Variants in UST observed in about 807,000 individuals in gnomAD.
UST encodes uronyl 2-sulfotransferase.
A neutral mutation model predicts 45.6 loss-of-function variants in UST; 21 were observed. The ratio of observed to expected loss-of-function variants is 0.46; its 90% CI spans 0.33 to 0.66. The LOEUF is 0.66. Among genes scored for constraint, UST ranks in the 30% least tolerant of loss-of-function variants. UST has a pLI of 0.02. For synonymous variants in UST, 215 were observed against 200.6 expected, an observed-to-expected ratio of 1.07 and a Z score of -0.61; for missense variants, 463 against 512.4, an observed-to-expected ratio of 0.90 and a Z score of 0.93.
At chr6:149,042,563 G>T (rs1052748742) in intron 7 of UST, among the ~76,000 whole-genome samples, 2 of 152,174 alleles carry the variant, frequency 1.3e-5, no homozygotes, top group Non-Finnish European at 1.5e-5. Context: ...CCCTGAGGCA[G>T]GTCACTCCAC....
At chr6:148,859,687 G>A (rs1385124618) in intron 1 of UST, among the ~76,000 whole-genome samples, 3 of 152,176 alleles carry the variant, frequency 2.0e-5, no homozygotes, top group South Asian at 2.1e-4. Context: ...GTAAGGAAGG[G>A]ATCCAGTTTC....
chr6:149,005,590 G>T, intron 5 of UST: 1 of 985,412 alleles, frequency 1.0e-6, no homozygotes, highest in South Asian at 4.7e-5. Context: ...ACTCAGTAAA[G>T]GTTAGTCCCT....
intron 7 of UST, among the ~76,000 whole-genome samples, chr6:149,028,123 C>T (rs543320937): frequency 3.3e-5 from 5 of 152,240 alleles, no homozygotes; most frequent in Admixed American, 2.6e-4. Context: ...GGATTACTGG[C>T]GTGATCCACC....
intron 1 of UST, among the ~76,000 whole-genome samples, chr6:148,754,186 T>C (rs565753513): frequency 6.6e-5 from 10 of 152,016 alleles, no homozygotes; most frequent in Middle Eastern, 3.4e-3. Context: ...TTAGTAGAGA[T>C]GGGGTTTCAC....
rs143735318 is a variant in UST at position 148,904,256 on chromosome 6, A to G, written c.291+17227A>G. 5.9e-3 allele frequency among the ~76,000 whole-genome samples: 904 copies of G among 152,316 alleles called. 9 individuals are homozygous for G. The highest frequency in any genetic ancestry group is 0.02 in the African/African-American group (847 of 41,562). On this transcript the variant is annotated intron_variant, in intron 2 of 7. Transcript: ENST00000367463. ...TTGTTTCTTGTGGGGGATAGTAAAC[A>G]GCTGGACTTCATTTGCCCAAATGAC...
chr6:148,798,129 A>G (rs772307574), intron 1 of UST, among the ~76,000 whole-genome samples: 1 of 152,154 alleles, frequency 6.6e-6, no homozygotes, highest in Non-Finnish European at 1.5e-5. Flanking sequence ...CCAGAGAAGA[A>G]AAGAGCCTGC....
chr6:149,018,298 C>T (rs1775935126), intron 5 of UST, among the ~76,000 whole-genome samples: 1 of 152,150 alleles, frequency 6.6e-6, no homozygotes, highest in Non-Finnish European at 1.5e-5. Flanking sequence ...TTTCATCAAC[C>T]ATATTTGGGA....
chr6:148,876,762 T>C (rs974563506), intron 1 of UST, among the ~76,000 whole-genome samples: 1 of 151,918 alleles, frequency 6.6e-6, no homozygotes, highest in Admixed American at 6.5e-5. Context: ...CGTTTTGTTG[T>C]TTTTGTTGTT....
At chr6:149,041,276 G>A (rs1049620082) in intron 7 of UST, among the ~76,000 whole-genome samples, 3 of 152,212 alleles carry the variant, frequency 2.0e-5, no homozygotes, top group African/African-American at 7.2e-5. Flanking sequence ...ACTCCAGGAG[G>A]AGTTGGAACC....
intron 5 of UST, among the ~76,000 whole-genome samples, chr6:148,977,861 T>G (rs1020736082): frequency 2.6e-5 from 4 of 152,072 alleles, no homozygotes; most frequent in African/African-American, 9.7e-5. Context: ...CTTTGAGCTT[T>G]AGATTAAGGT....
chr6:148,867,851 A>T (rs929196730), intron 1 of UST, among the ~76,000 whole-genome samples: 1 of 152,202 alleles, frequency 6.6e-6, no homozygotes, highest in Non-Finnish European at 1.5e-5. Context: ...CTACATGATA[A>T]ATAAGGTGAT....
chr6:148,783,185 T>C (rs1216627556), intron 1 of UST, among the ~76,000 whole-genome samples: 2 of 152,240 alleles, frequency 1.3e-5, no homozygotes, highest in African/African-American at 4.8e-5. Context: ...GCATTTACAA[T>C]TTTTATATTA....
At chr6:148,775,150 C>G (rs948906114) in intron 1 of UST, among the ~76,000 whole-genome samples, 3 of 152,228 alleles carry the variant, frequency 2.0e-5, no homozygotes, top group Admixed American at 2.0e-4. Flanking sequence ...TCCTCTCCGT[C>G]CCTCCTAGGC....
At chr6:148,809,348 T>A (rs1777211085) in intron 1 of UST, among the ~76,000 whole-genome samples, 1 of 152,084 alleles carries the variant, frequency 6.6e-6, no homozygotes, top group Non-Finnish European at 1.5e-5. Flanking sequence ...CACCTGCTTT[T>A]CTTGCTGCCA....
At chr6:148,793,904 T>A (rs1776899239) in intron 1 of UST, among the ~76,000 whole-genome samples, 4 of 152,222 alleles carry the variant, frequency 2.6e-5, no homozygotes, top group Admixed American at 2.6e-4. Context: ...ACTTTTGGGT[T>A]GTCTCTGGTT....
At chr6:148,914,060 G>T (rs11965252) in intron 2 of UST, among the ~76,000 whole-genome samples, 37,897 of 152,116 alleles carry the variant, frequency 0.25, 5,622 homozygotes, top group Non-Finnish European at 0.32. Flanking sequence ...TATAGGAAGA[G>T]ATACAACTTG....
At chr6:148,986,699 C>G (rs960456876) in intron 5 of UST, among the ~76,000 whole-genome samples, 19 of 152,388 alleles carry the variant, frequency 1.2e-4, no homozygotes, top group South Asian at 2.1e-4. Flanking sequence ...TCATGATTCC[C>G]TGACACATTT....
At chr6:148,901,059 T>G (rs539523977) in intron 2 of UST, among the ~76,000 whole-genome samples, 1 of 152,334 alleles carries the variant, frequency 6.6e-6, no homozygotes, top group African/African-American at 2.4e-5. Flanking sequence ...CTCAGGATTC[T>G]TAACTTATCA....
chr6:149,007,988 G>T (rs796460873), intron 5 of UST, among the ~76,000 whole-genome samples: 22 of 152,246 alleles, frequency 1.4e-4, no homozygotes, highest in African/African-American at 5.1e-4. Flanking sequence ...GAGATAAACT[G>T]TTGCTGCAGT....
Sources: gnomAD v4.1 joint callset for allele counts (sites outside exome capture counted in the v4.1 genomes callset) on GRCh38, gnomAD v4.1.1 for gene constraint, MANE v1.5 for transcripts, NCBI Gene and HGNC (gene_info 2026-07-23, HGNC 2026-07-21) for gene names.